The following ABRA variants were observed in gnomAD, a reference collection of about 807,000 sequenced individuals.
ABRA encodes actin binding Rho activating protein.
A neutral mutation model predicts 33.4 loss-of-function variants in ABRA; 25 were observed. The observed-to-expected ratio is 0.75, with a 90% CI of 0.55 to 1.04. ABRA has a LOEUF of 1.04. Among genes scored for constraint, ABRA ranks in the 50% least tolerant of loss-of-function variants. The probability of loss-of-function intolerance (pLI) is 0.00; values close to 1 mark genes in which losing one functional copy is unlikely to be tolerated. For missense variants in ABRA, 501 were observed against 491.7 expected (o/e 1.02, Z -0.18); for synonymous variants, 193 against 176.8 (o/e 1.09, Z -0.73).
chr8:106,763,081 T>C (rs1401059122), intron 1 of ABRA, among the ~76,000 whole-genome samples: 2 of 152,206 alleles, frequency 1.3e-5, no homozygotes, highest in Non-Finnish European at 2.9e-5. Flanking sequence ...CACAATTTAC[T>C]ATTCAAAACC....
chr8:106,769,105 A>G (rs1810553727), intron 1 of ABRA, among the ~76,000 whole-genome samples: 1 of 152,186 alleles, frequency 6.6e-6, no homozygotes, highest in African/African-American at 2.4e-5. Flanking sequence ...TCTCCTGATA[A>G]TAGCATAGAC....
intron 1 of ABRA, among the ~76,000 whole-genome samples, chr8:106,769,071 A>C (rs569962239): frequency 6.6e-6 from 1 of 152,266 alleles, no homozygotes; most frequent in South Asian, 2.1e-4. Flanking sequence ...TTTGTATTCC[A>C]TGGGTGTTAT....
At position 106,763,288 on chromosome 8, in the gene ABRA, G is replaced by A. The variant is rs545251785; in HGVS notation, c.669-1774C>T. Reference sequence around the variant, plus strand: ...TGCTTGGTGTTTCCCAACGTCCTACGCTTGCTATATCGTTTCATAGCACAA... The same window carrying A: ...TGCTTGGTGTTTCCCAACGTCCTACACTTGCTATATCGTTTCATAGCACAA... On this transcript the variant is annotated intron_variant, in intron 1 of 1. Transcript: ENST00000311955. 2.2e-4 allele frequency among the ~76,000 whole-genome samples: 34 copies of A among 152,144 alleles called. No homozygotes were observed. The South Asian group carries it at 6.6e-3, about 30-fold the overall frequency.
At position 106,759,989 on chromosome 8, in the gene ABRA, G is replaced by A. The variant is rs1836112894; in HGVS notation, c.*1048C>T. 6.6e-6 allele frequency: 1 copy of A among 152,088 alleles called. No individual in the cohort carries two copies. Among genetic ancestry groups the A allele is most frequent in the Admixed American group, 6.6e-5 (1 of 15,266 alleles). 9.4% of individuals were successfully genotyped at this position (152,088 alleles called of 1,614,324 possible). A position where few individuals can be genotyped will look rare whatever the true frequency, so the allele number is the denominator to read the frequency against. On this transcript the variant is annotated 3_prime_UTR_variant, in exon 2 of 2. Transcript: ENST00000311955. Reference sequence around the variant, plus strand: ...TAAAGTTTTCTTTGTTACAGTATGAGGAACATTAAACTGTCTCAAATCTGT... The same window carrying A: ...TAAAGTTTTCTTTGTTACAGTATGAAGAACATTAAACTGTCTCAAATCTGT...
At chr8:106,763,858 C>A (rs1836171226) in intron 1 of ABRA, among the ~76,000 whole-genome samples, 1 of 152,184 alleles carries the variant, frequency 6.6e-6, no homozygotes, top group Non-Finnish European at 1.5e-5. Context: ...CTAATGCATC[C>A]TGGCTTTAAA....
intron 1 of ABRA, among the ~76,000 whole-genome samples, chr8:106,768,586 C>T (rs1408199052): frequency 6.6e-6 from 1 of 152,172 alleles, no homozygotes; most frequent in African/African-American, 2.4e-5. Context: ...AATAGAACTT[C>T]TCCCAAAAGC....
chr8:106,760,887 A>G lies in ABRA; in HGVS notation c.*150T>C, dbSNP rs1431553488. 5.5e-6 allele frequency: 4 copies of G among 728,570 alleles called. No homozygotes were observed. The highest frequency in any genetic ancestry group is 9.3e-6 in the Non-Finnish European group (4 of 432,382). The allele number at this position is 728,570 out of a possible 1,614,324, so 45.1% of individuals were successfully genotyped here. On this transcript the variant is annotated 3_prime_UTR_variant, in exon 2 of 2. Coordinates refer to ENST00000311955, the MANE Select transcript of ABRA (RefSeq NM_139166.5). ...CAAAATCTCCAAAATTCCTCATTCTAGATAGAAATAGAATGCCAGAAAGTC... is the reference window on the plus strand; with the variant it reads ...CAAAATCTCCAAAATTCCTCATTCTGGATAGAAATAGAATGCCAGAAAGTC...
chr8:106,769,588 C>T lies in ABRA; in HGVS notation c.603G>A (p.Glu201=), dbSNP rs778497303. The T allele has an allele frequency of 1.9e-6, 3 of 1,614,228 alleles. No individual in the cohort carries two copies. The highest frequency in any genetic ancestry group is 2.5e-6 in the Non-Finnish European group (3 of 1,180,044). ...GCACTCCATCCTGCTCGGGCCTCTC[C>T]TCAGCCTCTCCTCCATAGCCGCTGT... ...TEDSGYGGEA[E]ERPEQDGVQV... The change falls in exon 1 of 2, where the codon GAG becomes GAA. Residue 201 remains glutamate (E), a synonymous_variant. Coordinates refer to ENST00000311955, the MANE Select transcript of ABRA (RefSeq NM_139166.5).
chr8:106,761,253 C>T lies in ABRA; in HGVS notation c.930G>A (p.Met310Ile). 6.2e-7 allele frequency: 1 copy of T among 1,614,234 alleles called. No homozygotes were observed. Among genetic ancestry groups the T allele is most frequent in the Non-Finnish European group, 8.5e-7 (1 of 1,180,042 alleles). ...KRAEEHIYRE[M>I]MDMCFIICTM... is the part of the protein sequence containing the mutation. ...TGCAGATAATGAAGCACATGTCCATCATTTCCCTGTAGATGTGCTCCTCAG... is the reference window on the plus strand; with the variant it reads ...TGCAGATAATGAAGCACATGTCCATTATTTCCCTGTAGATGTGCTCCTCAG... The change falls in exon 2 of 2, where the codon ATG (methionine) becomes ATA (isoleucine). Residue 310 changes from methionine (M) to isoleucine (I), a missense_variant. Transcript: ENST00000311955.
chr8:106,769,385 A>G (rs2131633959), intron 1 of ABRA, 138 bp downstream of exon 1: 1 of 1,219,118 alleles, frequency 8.2e-7, no homozygotes, highest in South Asian at 1.4e-5. Context: ...TCCCTCCTCT[A>G]CAGTACTCAC....
At chr8:106,763,014 G>T (rs1836159378) in intron 1 of ABRA, among the ~76,000 whole-genome samples, 1 of 152,136 alleles carries the variant, frequency 6.6e-6, no homozygotes, top group Admixed American at 6.5e-5. Context: ...GATTGCAGAT[G>T]TTCAAGTGGT....
At position 106,768,050 on chromosome 8, in the gene ABRA, G is replaced by A. The variant is rs559125281; in HGVS notation, c.668+1473C>T. 1.7e-4 allele frequency among the ~76,000 whole-genome samples: 26 copies of A among 150,502 alleles called. 1 individual carries two copies. In the South Asian group the frequency reaches 4.8e-3, roughly 28 times the overall value. The stretch of plus-strand genomic sequence containing the variant: ...ATGGAGGTTGCAGTGAGCCGAGGTC[G>A]TGCCACTGTACTCCAGCCTGGGCAA... On this transcript the variant is annotated intron_variant, in intron 1 of 1. Coordinates refer to ENST00000311955, the MANE Select transcript of ABRA (RefSeq NM_139166.5).
At chr8:106,764,842 T>A (rs1248847486) in intron 1 of ABRA, among the ~76,000 whole-genome samples, 1 of 152,162 alleles carries the variant, frequency 6.6e-6, no homozygotes, top group East Asian at 1.9e-4. Context: ...AGGAAACTCA[T>A]CCTAATGAGC....
In ABRA at chr8:106,769,669, C is replaced by T. The variant is rs1810571607; in HGVS notation, c.522G>A (p.Trp174Ter). The T allele has an allele frequency of 5.6e-6, 9 of 1,614,036 alleles. No homozygotes were observed. Among genetic ancestry groups the T allele is most frequent in the Non-Finnish European group, 6.8e-6 (8 of 1,180,036 alleles). ...ANLVSELTKGWRVMEQEEPTW... is the reference protein window; with the variant it reads ...ANLVSELTKG ...TGGGCTCCTCCTGCTCCATCACTCT[C>T]CAGCCCTTGGTTAGCTCAGACACCA... Residue 174 changes from tryptophan to a stop codon, truncating the protein, a stop_gained, in exon 1 of 2, where the codon TGG (tryptophan) becomes TGA (stop). Coordinates refer to ENST00000311955, the MANE Select transcript of ABRA (RefSeq NM_139166.5). LOFTEE classifies it high-confidence loss of function.
In ABRA at chr8:106,769,619, G is replaced by T. The variant is rs1035611818; in HGVS notation, c.572C>A (p.Thr191Lys). Residue 191 changes from threonine (T) to lysine (K), a missense_variant, in exon 1 of 2, where the codon ACA becomes AAA. Coordinates refer to ENST00000311955, the MANE Select transcript of ABRA (RefSeq NM_139166.5). ...CTCTCCTCCATAGCCGCTGTCCTCTGTGTCTACGCTGTCACTCCTCCATGT... is the reference window on the plus strand; with the variant it reads ...CTCTCCTCCATAGCCGCTGTCCTCTTTGTCTACGCTGTCACTCCTCCATGT... ...EPTWRSDSVD[T>K]EDSGYGGEAE... is the part of the protein sequence containing the mutation. The T allele has an allele frequency of 1.9e-6, 3 of 1,614,028 alleles. No homozygotes were observed. Among genetic ancestry groups the T allele is most frequent in the Non-Finnish European group, 2.5e-6 (3 of 1,180,032 alleles).
intron 1 of ABRA, among the ~76,000 whole-genome samples, chr8:106,762,935 A>C (rs1385515782): frequency 6.6e-6 from 1 of 152,188 alleles, no homozygotes. Context: ...TGTACTCCTA[A>C]CCATCACAAG....
intron 1 of ABRA, 33 bp downstream of exon 1, chr8:106,769,490 T>C (rs893854149): frequency 6.3e-7 from 1 of 1,589,382 alleles, no homozygotes; most frequent in Non-Finnish European, 8.6e-7. Context: ...ATAGTGATCC[T>C]GACACAAGGA....
Position 106,760,873 on chromosome 8 carries a change from A to G in ABRA, c.*164T>C, listed in dbSNP as rs2131629366. On this transcript the variant is annotated 3_prime_UTR_variant, in exon 2 of 2. Coordinates refer to ENST00000311955, the MANE Select transcript of ABRA (RefSeq NM_139166.5). ...GCTTTGTGCCTTCTCAAAATCTCCAAAATTCCTCATTCTAGATAGAAATAG... is the reference window on the plus strand; with the variant it reads ...GCTTTGTGCCTTCTCAAAATCTCCAGAATTCCTCATTCTAGATAGAAATAG... 1.5e-6 allele frequency: 1 copy of G among 681,100 alleles called. No homozygotes were observed. Among genetic ancestry groups the G allele is most frequent in the South Asian group, 1.9e-5 (1 of 51,770 alleles). The allele number at this position is 681,100 out of a possible 1,614,324, so 42.2% of individuals were successfully genotyped here.
chr8:106,768,910 T>C (rs1416665917), intron 1 of ABRA, among the ~76,000 whole-genome samples: 1 of 152,192 alleles, frequency 6.6e-6, no homozygotes, highest in Non-Finnish European at 1.5e-5. Context: ...GTGCTGAGAT[T>C]ACAGGCTGAG....
Sources: allele counts gnomAD v4.1 joint callset (sites outside exome capture counted in the v4.1 genomes callset), GRCh38; gene constraint gnomAD v4.1.1; transcripts MANE v1.5; gene names NCBI Gene and HGNC (gene_info 2026-07-23, HGNC 2026-07-21).